The following KDM4C variants were observed in gnomAD, a reference collection of about 807,000 sequenced individuals.
KDM4C encodes lysine-specific demethylase 4C.
KDM4C carries 81 observed loss-of-function variants against 129.3 expected under a neutral mutation model. That is an observed-to-expected ratio of 0.63 (90% CI 0.52 to 0.75). The LOEUF (loss-of-function observed/expected upper bound fraction) is 0.75, where lower values mean the gene tolerates loss of function less well. Ranked by LOEUF, KDM4C falls within the 30% of genes least tolerant of loss-of-function variation. The pLI is 0.00. For synonymous variants in KDM4C, 573 were observed against 456.1 expected, an observed-to-expected ratio of 1.26 and a Z score of -3.26; for missense variants, 1,457 against 1,304.0, an observed-to-expected ratio of 1.12 and a Z score of -1.81.
At chr9:7,056,145 A>G (rs573761994) in intron 17 of KDM4C, among the ~76,000 whole-genome samples, 2 of 152,338 alleles carry the variant, frequency 1.3e-5, no homozygotes, top group Non-Finnish European at 2.9e-5. Flanking sequence ...GTTAATGTGC[A>G]CAAAAAGTGC....
In KDM4C at chr9:6,867,515, G is replaced by T. The variant is rs188745141; in HGVS notation, c.630-12497G>T. ...GAAAAGTTTGCTTCAGAAAATTTTT[G>T]ATATGGGCAGACAGCTTTATATGGG... On this transcript the variant is annotated intron_variant, in intron 5 of 21. Transcript: ENST00000381309. 6.5e-3 allele frequency among the ~76,000 whole-genome samples: 992 copies of T among 152,282 alleles called. 17 individuals are homozygous for T. The highest frequency in any genetic ancestry group is 9.4e-3 in the Non-Finnish European group (641 of 68,018).
At chr9:7,125,057 T>A (rs1668447144) in intron 18 of KDM4C, among the ~76,000 whole-genome samples, 1 of 152,140 alleles carries the variant, frequency 6.6e-6, no homozygotes, top group South Asian at 2.1e-4. Context: ...CCTCAGTGGC[T>A]TCCTAGGTTC....
chr9:6,757,447 T>TA (rs1241441890), upstream of KDM4C, among the ~76,000 whole-genome samples: 2 of 152,248 alleles, frequency 1.3e-5, no homozygotes, highest in African/African-American at 4.8e-5. Context: ...GACACGAAGA[T>TA]ACTCTTCGCC....
Position 6,732,423 on chromosome 9 carries a change from C to A in KDM4C, c.49+11426C>A, listed in dbSNP as rs530238082. 4.3e-5 allele frequency among the ~76,000 whole-genome samples: 6 copies of A among 139,704 alleles called. No individual in the cohort carries two copies. In the East Asian group the frequency reaches 1.2e-3, roughly 27 times the overall value. The allele number at this position is 139,704 out of a possible 152,430, so 91.7% of individuals were successfully genotyped here. A position where few individuals can be genotyped will look rare whatever the true frequency, so the allele number is the denominator to read the frequency against. On this transcript the variant is annotated intron_variant, in intron 1 of 17. Transcript: ENST00000536108. ...AAAAGAATGAGGCCGGAAGTTGTGG[C>A]TCACACACCTGTATATAATCCCAGC...
At chr9:7,105,359 C>T in intron 18 of KDM4C, 1 of 448,980 alleles carries the variant, frequency 2.2e-6, no homozygotes. Context: ...TCAGCTTCCT[C>T]ATCTATAAAA....
chr9:7,064,934 A>G (rs4742298), intron 17 of KDM4C, among the ~76,000 whole-genome samples: 120,958 of 152,108 alleles, frequency 0.8, 48,475 homozygotes, highest in African/African-American at 0.88. Flanking sequence ...GAGACGACGT[A>G]AGTTCTTGAA....
chr9:6,827,487 T>TA (rs1462052887), intron 4 of KDM4C, among the ~76,000 whole-genome samples: 4 of 152,222 alleles, frequency 2.6e-5, no homozygotes, highest in African/African-American at 7.2e-5. Context: ...GCATTTAACC[T>TA]ATAGACTTTT....
At chr9:7,142,637 G>A (rs1294581789) in intron 19 of KDM4C, among the ~76,000 whole-genome samples, 1 of 152,216 alleles carries the variant, frequency 6.6e-6, no homozygotes, top group Non-Finnish European at 1.5e-5. Context: ...TAGATAAAAT[G>A]TGTGTGGTTA....
chr9:6,813,602 A>G (rs375102981), intron 3 of KDM4C, among the ~76,000 whole-genome samples: 1 of 152,136 alleles, frequency 6.6e-6, no homozygotes, highest in African/African-American at 2.4e-5. Flanking sequence ...ACTTTGCTTC[A>G]TTATATTCTC....
intron 1 of KDM4C, among the ~76,000 whole-genome samples, chr9:6,742,898 C>A (rs901665123): frequency 6.6e-6 from 1 of 151,928 alleles, no homozygotes; most frequent in Non-Finnish European, 1.5e-5. Context: ...CCCATGGGGT[C>A]TCACCAGGAG....
chr9:6,844,171 C>T (rs1327295232), intron 4 of KDM4C, among the ~76,000 whole-genome samples: 1 of 152,152 alleles, frequency 6.6e-6, no homozygotes, highest in African/African-American at 2.4e-5. Context: ...TTTTTCAGTA[C>T]ATTTTATAGT....
chr9:6,769,072 C>T (rs1821231830), intron 1 of KDM4C, among the ~76,000 whole-genome samples: 1 of 152,100 alleles, frequency 6.6e-6, no homozygotes, highest in Non-Finnish European at 1.5e-5. Flanking sequence ...TACACCTGGC[C>T]TGGAGTTTGT....
chr9:7,165,314 A>ATGGAGCAAAATATTT lies in KDM4C; in HGVS notation c.2863_2877dup (p.Ala955_Gly959dup). Reference sequence around the variant, plus strand: ...GTCAAGTGGCCCGATGGCAAACTCTATGGAGCAAAATATTTTGGATCAAAT... The same window carrying ATGGAGCAAAATATTT: ...GTCAAGTGGCCCGATGGCAAACTCTATGGAGCAAAATATTTTGGAGCAAAATATTTTGGATCAAAT... On this transcript the variant is annotated inframe_insertion, in exon 20 of 22. Coordinates refer to ENST00000381309, the MANE Select transcript of KDM4C (RefSeq NM_015061.6). 1 of 1,614,182 alleles carries ATGGAGCAAAATATTT rather than the reference A, an allele frequency of 6.2e-7. No individual in the cohort carries two copies. Among genetic ancestry groups the ATGGAGCAAAATATTT allele is most frequent in the Admixed American group, 1.7e-5 (1 of 60,018 alleles).
chr9:6,779,892 C>G (rs996605849), intron 1 of KDM4C, among the ~76,000 whole-genome samples: 6 of 152,142 alleles, frequency 3.9e-5, no homozygotes, highest in Non-Finnish European at 2.9e-5. Context: ...ATAATTGGTT[C>G]ATTGGTGTAA....
intron 8 of KDM4C, among the ~76,000 whole-genome samples, chr9:6,934,590 A>G (rs1824388236): frequency 6.6e-6 from 1 of 151,274 alleles, no homozygotes; most frequent in Non-Finnish European, 1.5e-5. Context: ...CAGCCTCCTG[A>G]GTAGCTAGGA....
At chr9:6,818,160 A>G (rs1832464365) in intron 4 of KDM4C, among the ~76,000 whole-genome samples, 1 of 152,150 alleles carries the variant, frequency 6.6e-6, no homozygotes, top group African/African-American at 2.4e-5. Flanking sequence ...GTTCATGTTT[A>G]CCACCAAAGA....
intron 1 of KDM4C, among the ~76,000 whole-genome samples, chr9:6,760,516 G>T (rs1336304846): frequency 6.7e-6 from 1 of 149,922 alleles, no homozygotes; most frequent in African/African-American, 2.4e-5. Context: ...CGTAAGGAGG[G>T]ATAGTTAGTC....
chr9:6,906,266 T>TCTA (rs1818289011), intron 8 of KDM4C, among the ~76,000 whole-genome samples: 1 of 152,220 alleles, frequency 6.6e-6, no homozygotes, highest in Admixed American at 6.5e-5. Context: ...AGATTTGTTT[T>TCTA]CTTAGAAGTA....
At chr9:6,966,252 G>T (rs60491388) in intron 8 of KDM4C, among the ~76,000 whole-genome samples, 46,632 of 151,852 alleles carry the variant, frequency 0.31, 7,505 homozygotes, top group South Asian at 0.41. Flanking sequence ...GCGGGATCTC[G>T]GCTCACTGCA....
Sources: allele counts gnomAD v4.1 joint callset (sites outside exome capture counted in the v4.1 genomes callset), GRCh38; gene constraint gnomAD v4.1.1; transcripts MANE v1.5; gene names NCBI Gene and HGNC (gene_info 2026-07-23, HGNC 2026-07-21).